The following NFAM1 variants were observed in gnomAD, a reference collection of about 807,000 sequenced individuals.
NFAM1 encodes the protein NFAT activating protein with ITAM motif 1.
NFAM1 carries 17 observed loss-of-function variants against 29.0 expected under a neutral mutation model. That is an observed-to-expected ratio of 0.59 (90% CI 0.40 to 0.88). The LOEUF is 0.88. Among genes scored for constraint, NFAM1 ranks in the 40% least tolerant of loss-of-function variants. The pLI is 0.00. For missense variants in NFAM1, 324 were observed against 344.6 expected (o/e 0.94, Z 0.47); for synonymous variants, 175 against 147.2 (o/e 1.19, Z -1.36).
chr22:42,385,782 C>T (rs1024445614), intron 5 of NFAM1, among the ~76,000 whole-genome samples: 2 of 152,208 alleles, frequency 1.3e-5, no homozygotes, highest in Admixed American at 1.3e-4. Context: ...GGAGATGTCC[C>T]TGCTTTCACT....
chr22:42,393,531 C>T (rs1427548562), intron 4 of NFAM1, among the ~76,000 whole-genome samples: 4 of 151,838 alleles, frequency 2.6e-5, no homozygotes, highest in Non-Finnish European at 5.9e-5. Context: ...GCCTCGGCCT[C>T]CTGAGTATCT....
Position 42,419,984 on chromosome 22 carries a change from CTCTTGGTTT to C in NFAM1, c.122-8257_122-8249del. ...GGGTCCCTTTGAGTCTGTAATCCCA[CTCTTGGTTT>C]TTTTTTTTTTTTTTTTTTTTTTTTT... is the stretch of plus-strand genomic sequence containing the variant. On this transcript the variant is annotated intron_variant, in intron 1 of 5. Transcript: ENST00000329021. The surrounding 1 kb of genome is among the most constrained non-coding windows in gnomAD (Gnocchi z 4.5). 3.7e-5 allele frequency among the ~76,000 whole-genome samples: 4 copies of C among 108,060 alleles called. No homozygotes were observed. The highest frequency in any genetic ancestry group is 2.2e-4 in the Admixed American group (2 of 9,088). 70.9% of individuals were successfully genotyped at this position (108,060 alleles called of 152,430 possible).
At chr22:42,414,342 A>C (rs992396925) in intron 1 of NFAM1, among the ~76,000 whole-genome samples, 3 of 152,006 alleles carry the variant, frequency 2.0e-5, no homozygotes, top group Admixed American at 1.3e-4. Context: ...CATTACATTC[A>C]TTTTGTCATA....
chr22:42,421,142 T>TA (rs1185788926), intron 1 of NFAM1, among the ~76,000 whole-genome samples: 1 of 152,024 alleles, frequency 6.6e-6, no homozygotes, highest in Non-Finnish European at 1.5e-5. Context: ...GAAAACTTGG[T>TA]ATGCTCTTAT....
intron 1 of NFAM1, among the ~76,000 whole-genome samples, chr22:42,417,532 A>C (rs1930300760): frequency 6.6e-6 from 1 of 152,124 alleles, no homozygotes; most frequent in Admixed American, 6.5e-5. Context: ...TAGAGAGTTT[A>C]GGAGGATTTG....
chr22:42,422,011 T>G (rs1930461156), intron 1 of NFAM1, among the ~76,000 whole-genome samples: 1 of 152,218 alleles, frequency 6.6e-6, no homozygotes, highest in South Asian at 2.1e-4. Flanking sequence ...TTTGCAGGAC[T>G]TGGAAGACAA....
chr22:42,426,973 AC>A (rs1930644166), intron 1 of NFAM1, among the ~76,000 whole-genome samples: 1 of 152,052 alleles, frequency 6.6e-6, no homozygotes, highest in African/African-American at 2.4e-5. Flanking sequence ...GATGCTGAGC[AC>A]CCAGGCGGGG....
Position 42,384,906 on chromosome 22 carries a change from G to A in NFAM1, c.*255C>T, listed in dbSNP as rs1477053012. ...AAGACTGAGGGGCGCTTTGCTGGTT[G>A]GGCCAAGGGAGGAAGGGCCTGCCTG... On this transcript the variant is annotated 3_prime_UTR_variant, in exon 6 of 6. Coordinates refer to ENST00000329021, the MANE Select transcript of NFAM1 (RefSeq NM_145912.8). 20 of 582,474 alleles carry A rather than the reference G, an allele frequency of 3.4e-5. No individual in the cohort carries two copies. Among genetic ancestry groups the A allele is most frequent in the East Asian group, 2.6e-4 (9 of 34,532 alleles). 36.1% of individuals were successfully genotyped at this position (582,474 alleles called of 1,614,324 possible).
chr22:42,431,543 C>T (rs1930796503), intron 1 of NFAM1, among the ~76,000 whole-genome samples: 1 of 152,172 alleles, frequency 6.6e-6, no homozygotes, highest in Admixed American at 6.5e-5. Context: ...CCGTCCCTGG[C>T]CTGATGAACT....
chr22:42,393,134 A>G (rs1929401446), intron 4 of NFAM1, among the ~76,000 whole-genome samples: 1 of 152,148 alleles, frequency 6.6e-6, no homozygotes, highest in Non-Finnish European at 1.5e-5. Context: ...ATATGCCATG[A>G]GCACTCTTCC....
At chr22:42,400,010 G>T (rs1260924605) in intron 3 of NFAM1, among the ~76,000 whole-genome samples, 1 of 152,198 alleles carries the variant, frequency 6.6e-6, no homozygotes, top group Non-Finnish European at 1.5e-5. Flanking sequence ...AACCGCAGGT[G>T]AATCTTTCCA....
intron 1 of NFAM1, among the ~76,000 whole-genome samples, chr22:42,424,571 C>T (rs1230757513): frequency 1.3e-5 from 2 of 152,214 alleles, no homozygotes; most frequent in African/African-American, 4.8e-5. Flanking sequence ...ATCTTTCTTC[C>T]CATCCCTTTA....
intron 1 of NFAM1, among the ~76,000 whole-genome samples, chr22:42,423,873 A>G (rs1251581337): frequency 6.6e-6 from 1 of 152,032 alleles, no homozygotes; most frequent in African/African-American, 2.4e-5. Flanking sequence ...GGCATGTGCC[A>G]CCACACCCAG....
At chr22:42,395,184 AT>A (rs1929478091) in intron 4 of NFAM1, among the ~76,000 whole-genome samples, 4 of 151,046 alleles carry the variant, frequency 2.6e-5, no homozygotes. Context: ...AAAAAAAAAA[AT>A]AAAACAGGCC....
intron 1 of NFAM1, among the ~76,000 whole-genome samples, chr22:42,413,479 A>G (rs1010910696): frequency 1.3e-5 from 2 of 152,162 alleles, no homozygotes; most frequent in African/African-American, 2.4e-5. Flanking sequence ...TTGAGCCACT[A>G]AAGAGACACC....
intron 4 of NFAM1, among the ~76,000 whole-genome samples, chr22:42,390,975 C>A (rs1929320311): frequency 6.6e-6 from 1 of 152,160 alleles, no homozygotes; most frequent in African/African-American, 2.4e-5. Context: ...AGAACTGCTT[C>A]ACAGACCTCC....
chr22:42,389,142 G>A (rs1929246786), intron 4 of NFAM1, among the ~76,000 whole-genome samples: 1 of 152,226 alleles, frequency 6.6e-6, no homozygotes, highest in Non-Finnish European at 1.5e-5. Context: ...GTCTCGGCAG[G>A]GGAGTAGATC....
chr22:42,419,839 G>A lies in NFAM1; in HGVS notation c.122-8103C>T, dbSNP rs1310634572. On this transcript the variant is annotated intron_variant, in intron 1 of 5. Transcript: ENST00000329021. This position sits in a 1 kb window ranked among gnomAD's most constrained non-coding sequence, Gnocchi z 4.5. ...CTCTCAGGCGTCACTGTTAAGCCAT[G>A]TGATCAGAAGAGCCAATGTCCCCTG... Among the ~76,000 whole-genome samples, 1 of 152,126 alleles carries A rather than the reference G, an allele frequency of 6.6e-6. No homozygotes were observed. The highest frequency in any genetic ancestry group is 2.4e-5 in the African/African-American group (1 of 41,448).
At chr22:42,436,501 C>T (rs547141990), upstream of NFAM1, among the ~76,000 whole-genome samples, 26 of 152,204 alleles carry the variant, frequency 1.7e-4, no homozygotes, top group Non-Finnish European at 2.9e-4. Flanking sequence ...TCTTGTGCCT[C>T]GCAGTGGCCC....
Sources: gnomAD v4.1 joint callset for allele counts (sites outside exome capture counted in the v4.1 genomes callset) on GRCh38, gnomAD v4.1.1 for gene constraint, Gnocchi (gnomAD v3.1) non-coding constraint, MANE v1.5 for transcripts, NCBI Gene and HGNC (gene_info 2026-07-23, HGNC 2026-07-21) for gene names.